SLC25A21: variants seen among roughly 807,000 people sequenced by gnomAD.
SLC25A21 encodes mitochondrial 2-oxodicarboxylate carrier.
A neutral mutation model predicts 43.8 loss-of-function variants in SLC25A21; 47 were observed. That is an observed-to-expected ratio of 1.07 (90% CI 0.85 to 1.37). SLC25A21 has a LOEUF of 1.37. SLC25A21 is among the 40% of genes most tolerant of loss of function. The pLI, the probability that SLC25A21 is intolerant of heterozygous loss-of-function variation, is 0.00. For synonymous variants in SLC25A21, 131 were observed against 121.3 expected, an observed-to-expected ratio of 1.08 and a Z score of -0.52; for missense variants, 352 against 350.2, an observed-to-expected ratio of 1.00 and a Z score of -0.04.
At chr14:37,030,542 C>G (rs1396766320) in intron 1 of SLC25A21, among the ~76,000 whole-genome samples, 1 of 152,182 alleles carries the variant, frequency 6.6e-6, no homozygotes, top group Non-Finnish European at 1.5e-5. Context: ...GCACCATGTA[C>G]ATACTTTCCA....
chr14:37,040,952 ATGT>A (rs1961458865), intron 1 of SLC25A21, among the ~76,000 whole-genome samples: 1 of 152,018 alleles, frequency 6.6e-6, no homozygotes, highest in Non-Finnish European at 1.5e-5. Flanking sequence ...TGTGAGTTTG[ATGT>A]TGTATGAGAC....
intron 1 of SLC25A21, among the ~76,000 whole-genome samples, chr14:36,933,972 A>C (rs187602109): frequency 6.6e-6 from 1 of 152,296 alleles, no homozygotes; most frequent in South Asian, 2.1e-4. Context: ...GATGCTAAGC[A>C]TGGCTGAAAG....
At chr14:36,967,628 T>C (rs1457802507) in intron 1 of SLC25A21, among the ~76,000 whole-genome samples, 1 of 152,240 alleles carries the variant, frequency 6.6e-6, no homozygotes, top group Non-Finnish European at 1.5e-5. Context: ...TGTATCTTTA[T>C]GCCTGTGAAA....
chr14:36,797,531 A>G lies in SLC25A21; in HGVS notation c.203+16387T>C, dbSNP rs541884923. On this transcript the variant is annotated intron_variant, in intron 3 of 9. Transcript: ENST00000331299. ...TGAAACAGCAGAAAAAGTTTATATTATAAGCAGTATGCTTTAGATTTTGCT... is the reference window on the plus strand; with the variant it reads ...TGAAACAGCAGAAAAAGTTTATATTGTAAGCAGTATGCTTTAGATTTTGCT... Among the ~76,000 whole-genome samples, 6 of 152,374 alleles carry G rather than the reference A, an allele frequency of 3.9e-5. No individual in the cohort carries two copies. In the East Asian group the frequency reaches 1.2e-3, roughly 29 times the overall value.
chr14:36,857,579 C>G (rs1873495014), intron 2 of SLC25A21, among the ~76,000 whole-genome samples: 1 of 152,232 alleles, frequency 6.6e-6, no homozygotes, highest in African/African-American at 2.4e-5. Context: ...AAATGGTCAT[C>G]ATTTAATTCA....
At chr14:36,928,911 T>C (rs1892207671) in intron 1 of SLC25A21, among the ~76,000 whole-genome samples, 1 of 152,126 alleles carries the variant, frequency 6.6e-6, no homozygotes, top group Non-Finnish European at 1.5e-5. Context: ...GAAGAAAGAA[T>C]TCCCTCATTG....
chr14:36,777,454 G>A (rs1886880190), intron 3 of SLC25A21, among the ~76,000 whole-genome samples: 2 of 152,148 alleles, frequency 1.3e-5, no homozygotes. Context: ...CAGGGTCTTT[G>A]CAGATGTAAT....
intron 7 of SLC25A21, among the ~76,000 whole-genome samples, chr14:36,694,570 CTCT>C (rs1435631056): frequency 2.0e-5 from 3 of 152,188 alleles, no homozygotes; most frequent in East Asian, 1.9e-4. Context: ...TTTCCAGCAT[CTCT>C]TGTTTCCTGA....
chr14:36,986,801 G>A (rs1291679177), intron 1 of SLC25A21, among the ~76,000 whole-genome samples: 3 of 151,904 alleles, frequency 2.0e-5, no homozygotes, highest in Admixed American at 1.3e-4. Context: ...TGCCCTTAAC[G>A]ACTTCCCCCT....
At chr14:36,876,092 T>C (rs1249967545) in intron 1 of SLC25A21, among the ~76,000 whole-genome samples, 1 of 152,174 alleles carries the variant, frequency 6.6e-6, no homozygotes, top group Non-Finnish European at 1.5e-5. Context: ...CCAAAGGCCA[T>C]ACAACAGTAT....
At chr14:36,735,638 C>A (rs907650985) in intron 3 of SLC25A21, among the ~76,000 whole-genome samples, 1 of 152,070 alleles carries the variant, frequency 6.6e-6, no homozygotes, top group African/African-American at 2.4e-5. Flanking sequence ...CCACCCAAAC[C>A]AACACGGCGA....
At chr14:37,103,237 T>C (rs1043349019) in intron 1 of SLC25A21, among the ~76,000 whole-genome samples, 5 of 152,194 alleles carry the variant, frequency 3.3e-5, no homozygotes, top group Non-Finnish European at 7.3e-5. Flanking sequence ...AAGATTTGCA[T>C]ATCTCTTCCT....
At chr14:36,912,062 T>G (rs573973536) in intron 1 of SLC25A21, among the ~76,000 whole-genome samples, 1 of 152,178 alleles carries the variant, frequency 6.6e-6, no homozygotes, top group African/African-American at 2.4e-5. Flanking sequence ...CTGTATATAC[T>G]TATTATTATA....
intron 3 of SLC25A21, among the ~76,000 whole-genome samples, chr14:36,786,741 C>A (rs1887264948): frequency 6.6e-6 from 1 of 151,936 alleles, no homozygotes; most frequent in Non-Finnish European, 1.5e-5. Context: ...TTTTAAGGAC[C>A]ATCTAAGAAA....
chr14:36,795,427 C>T (rs754089580), intron 3 of SLC25A21, among the ~76,000 whole-genome samples: 14 of 152,188 alleles, frequency 9.2e-5, no homozygotes, highest in Non-Finnish European at 1.8e-4. Context: ...GCATACCTAG[C>T]AGTACCATTC....
At position 37,131,520 on chromosome 14, in the gene SLC25A21, T is replaced by C. The variant is rs151038635; in HGVS notation, c.70+40761A>G. On this transcript the variant is annotated intron_variant, in intron 1 of 9. Coordinates refer to ENST00000331299, the MANE Select transcript of SLC25A21 (RefSeq NM_030631.4). ...ACTGGCCATTGTGGCAAGAGAAGTA[T>C]TCTGCACACAGTGAGATTAAAATGA... is the stretch of plus-strand genomic sequence containing the variant. 5.6e-3 allele frequency among the ~76,000 whole-genome samples: 850 copies of C among 152,332 alleles called. 8 individuals carry two copies. The highest frequency in any genetic ancestry group is 0.031 in the Middle Eastern group (9 of 294).
chr14:37,164,698 T>A (rs1427861035), intron 1 of SLC25A21, among the ~76,000 whole-genome samples: 1 of 152,194 alleles, frequency 6.6e-6, no homozygotes, highest in Non-Finnish European at 1.5e-5. Context: ...AAAGGAGTAA[T>A]CTTGTGAAAA....
intron 1 of SLC25A21, among the ~76,000 whole-genome samples, chr14:37,029,083 C>T (rs1181265746): frequency 6.6e-6 from 1 of 152,064 alleles, no homozygotes; most frequent in Non-Finnish European, 1.5e-5. Flanking sequence ...TCTTTGGGGT[C>T]AATGTTCCTT....
intron 3 of SLC25A21, among the ~76,000 whole-genome samples, chr14:36,749,010 C>T (rs1370943192): frequency 6.6e-6 from 1 of 152,212 alleles, no homozygotes; most frequent in East Asian, 1.9e-4. Context: ...CAGACTGCAG[C>T]CTACTCTTCT....
Sources: gnomAD v4.1 joint callset for allele counts (sites outside exome capture counted in the v4.1 genomes callset) on GRCh38, gnomAD v4.1.1 for gene constraint, MANE v1.5 for transcripts, NCBI Gene and HGNC (gene_info 2026-07-23, HGNC 2026-07-21) for gene names.